The following TNKS variants were observed in gnomAD, a reference collection of about 807,000 sequenced individuals.
The protein encoded by TNKS is poly [ADP-ribose] polymerase tankyrase-1.
A neutral mutation model predicts 135.8 loss-of-function variants in TNKS; 72 were observed. That is an observed-to-expected ratio of 0.53 (90% CI 0.44 to 0.64). TNKS has a LOEUF of 0.64. Among genes scored for constraint, TNKS ranks in the 30% least tolerant of loss-of-function variants. The pLI is 0.00. For synonymous variants in TNKS, 849 were observed against 649.3 expected, an observed-to-expected ratio of 1.31 and a Z score of -4.68; for missense variants, 1,769 against 1,674.0, an observed-to-expected ratio of 1.06 and a Z score of -0.99.
chr8:9,769,567 T>C (rs1396690203), intron 25 of TNKS, among the ~76,000 whole-genome samples: 1 of 151,892 alleles, frequency 6.6e-6, no homozygotes, highest in East Asian at 1.9e-4. Context: ...TTTTCTCTGG[T>C]TTTTTCCCTT....
chr8:9,656,091 C>T (rs1053116080), intron 3 of TNKS, among the ~76,000 whole-genome samples: 1 of 152,004 alleles, frequency 6.6e-6, no homozygotes, highest in Admixed American at 6.5e-5. Context: ...AACTATGTGA[C>T]GAATGCACAA....
intron 11 of TNKS, among the ~76,000 whole-genome samples, chr8:9,714,525 G>T (rs1804506106): frequency 6.6e-6 from 1 of 151,844 alleles, no homozygotes; most frequent in African/African-American, 2.4e-5. Flanking sequence ...TTATAATTGG[G>T]TTTGATCCAC....
At chr8:9,616,826 G>T (rs1057450022) in intron 3 of TNKS, among the ~76,000 whole-genome samples, 1 of 151,976 alleles carries the variant, frequency 6.6e-6, no homozygotes, top group African/African-American at 2.4e-5. Context: ...AGAAATTTAA[G>T]TATAAATATA....
chr8:9,625,403 T>G (rs934684516), intron 3 of TNKS, among the ~76,000 whole-genome samples: 6 of 152,064 alleles, frequency 3.9e-5, no homozygotes, highest in African/African-American at 1.2e-4. Flanking sequence ...GATTTTTGTT[T>G]TTTATTATTT....
intron 17 of TNKS, chr8:9,740,830 T>TTG (rs1436316021): frequency 7.2e-6 from 1 of 139,090 alleles, no homozygotes; most frequent in African/African-American, 2.7e-5. Flanking sequence ...CTTGTTGTTT[T>TTG]TTTTTTTTTT....
intron 13 of TNKS, among the ~76,000 whole-genome samples, chr8:9,728,162 A>G (rs1015406398): frequency 6.6e-6 from 1 of 152,162 alleles, no homozygotes; most frequent in African/African-American, 2.4e-5. Flanking sequence ...ATCCATTCAC[A>G]GTGAAGGCCT....
Position 9,780,582 on chromosome 8 carries a change from A to T in TNKS, c.*3846A>T, listed in dbSNP as rs1808416996. Reference sequence around the variant, plus strand: ...CACTCGAAAACTACTATTCTAGAACATGAGGCTTCTTCAGCAACTTGTGCA... The same window carrying T: ...CACTCGAAAACTACTATTCTAGAACTTGAGGCTTCTTCAGCAACTTGTGCA... On this transcript the variant is annotated 3_prime_UTR_variant, in exon 27 of 27. Transcript: ENST00000310430. The T allele has an allele frequency of 6.6e-6, 1 of 152,250 alleles. No homozygotes were observed. The highest frequency in any genetic ancestry group is 2.4e-5 in the African/African-American group (1 of 41,476). The allele number at this position is 152,250 out of a possible 1,614,324, so 9.4% of individuals were successfully genotyped here.
intron 2 of TNKS, among the ~76,000 whole-genome samples, chr8:9,610,685 A>T (rs1448462309): frequency 6.6e-6 from 1 of 152,162 alleles, no homozygotes; most frequent in Non-Finnish European, 1.5e-5. Context: ...TTTATTCTTA[A>T]AGCATTAGAT....
chr8:9,593,253 G>C (rs1798653792), intron 2 of TNKS, among the ~76,000 whole-genome samples: 1 of 152,192 alleles, frequency 6.6e-6, no homozygotes, highest in South Asian at 2.1e-4. Context: ...TAATATTTGT[G>C]TCCTGTGTGT....
At chr8:9,707,476 C>T (rs1804104367) in intron 8 of TNKS, among the ~76,000 whole-genome samples, 1 of 152,114 alleles carries the variant, frequency 6.6e-6, no homozygotes, top group African/African-American at 2.4e-5. Flanking sequence ...TCCCCATTTC[C>T]CGAGCCCTGC....
intron 3 of TNKS, among the ~76,000 whole-genome samples, chr8:9,626,774 G>T (rs1395648980): frequency 6.6e-6 from 1 of 152,178 alleles, no homozygotes; most frequent in Admixed American, 6.5e-5. Flanking sequence ...AATTATTGCT[G>T]CCTCTCCTGT....
At chr8:9,607,581 A>G (rs368337568) in intron 2 of TNKS, among the ~76,000 whole-genome samples, 4 of 152,200 alleles carry the variant, frequency 2.6e-5, no homozygotes, top group Non-Finnish European at 1.5e-5. Flanking sequence ...ATCTTTGCCT[A>G]TGTACCTATG....
chr8:9,765,305 C>G (rs921882932), intron 23 of TNKS, among the ~76,000 whole-genome samples: 2 of 151,988 alleles, frequency 1.3e-5, no homozygotes, highest in Admixed American at 6.6e-5. Flanking sequence ...GTTAACAGAC[C>G]TGTAAAAGTT....
chr8:9,621,828 T>A (rs939615989), intron 3 of TNKS, among the ~76,000 whole-genome samples: 1 of 152,156 alleles, frequency 6.6e-6, no homozygotes, highest in Non-Finnish European at 1.5e-5. Flanking sequence ...TTACCTTACT[T>A]ATTAAGAAAA....
intron 12 of TNKS, among the ~76,000 whole-genome samples, chr8:9,720,769 C>G (rs994309444): frequency 6.6e-6 from 1 of 151,984 alleles, no homozygotes; most frequent in Non-Finnish European, 1.5e-5. Flanking sequence ...AAATTGAAAA[C>G]CTGACTCATG....
At chr8:9,581,210 G>A (rs6422354) in intron 2 of TNKS, among the ~76,000 whole-genome samples, 144,332 of 152,308 alleles carry the variant, frequency 0.95, 68,492 homozygotes, top group African/African-American at 0.99. Flanking sequence ...GTGGTGCTTA[G>A]TAATGGTTAA....
In TNKS at chr8:9,770,250, C is replaced by T. The variant is rs755001965; in HGVS notation, c.3885C>T (p.Tyr1295=). ...NGLAYAEYVI[Y]RGEQAYPEYL... is the part of the protein sequence containing the mutation. The stretch of plus-strand genomic sequence containing the variant: ...TGGCATATGCTGAATATGTCATCTA[C>T]AGAGGAGAACAGGTATGTTACTCAT... Residue 1295 remains tyrosine (Y), a synonymous_variant, in exon 26 of 27, where the codon TAC becomes TAT. Coordinates refer to ENST00000310430, the MANE Select transcript of TNKS (RefSeq NM_003747.3). 4.9e-5 allele frequency: 79 copies of T among 1,611,880 alleles called. 1 individual carries two copies. In the South Asian group the frequency reaches 8.1e-4, roughly 17 times the overall value.
At chr8:9,646,449 AT>A (rs1264453123) in intron 3 of TNKS, among the ~76,000 whole-genome samples, 3 of 152,092 alleles carry the variant, frequency 2.0e-5, no homozygotes, top group Non-Finnish European at 2.9e-5. Context: ...ATCTGATTTC[AT>A]TCTCATTTTT....
At chr8:9,734,593 A>C (rs190072396) in intron 15 of TNKS, among the ~76,000 whole-genome samples, 89 of 152,256 alleles carry the variant, frequency 5.8e-4, no homozygotes, top group African/African-American at 2.1e-3. Flanking sequence ...GTCTGAGAAA[A>C]AGTGTATTAT....
Sources: allele counts gnomAD v4.1 joint callset (sites outside exome capture counted in the v4.1 genomes callset), GRCh38; gene constraint gnomAD v4.1.1; transcripts MANE v1.5; gene names NCBI Gene and HGNC (gene_info 2026-07-23, HGNC 2026-07-21).